APBA1: variants seen among roughly 807,000 people sequenced by gnomAD.
APBA1 encodes amyloid-beta A4 precursor protein-binding family A member 1.
APBA1 carries 55 observed loss-of-function variants against 86.6 expected under a neutral mutation model. That is an observed-to-expected ratio of 0.64 (90% CI 0.51 to 0.80). APBA1 has a LOEUF of 0.80. Ranked by LOEUF, APBA1 falls within the 30% of genes least tolerant of loss-of-function variation. The probability of loss-of-function intolerance (pLI) is 0.00; values close to 1 mark genes in which losing one functional copy is unlikely to be tolerated. For synonymous variants in APBA1, 511 were observed against 493.9 expected, an observed-to-expected ratio of 1.03 and a Z score of -0.46; for missense variants, 1,090 against 1,183.0, an observed-to-expected ratio of 0.92 and a Z score of 1.15.
Position 69,510,604 on chromosome 9 carries a change from G to A in APBA1, c.1200+5407C>T, listed in dbSNP as rs1363015940. ...TTCATATGGAACCAAAAAAGAGCCC[G>A]CATCGCCAAGGCAATCCTAAGCCAA... On this transcript the variant is annotated intron_variant, in intron 2 of 12. Transcript: ENST00000265381. Among the ~76,000 whole-genome samples, 27 of 138,894 alleles carry A rather than the reference G, an allele frequency of 1.9e-4. 1 individual carries two copies. The highest frequency in any genetic ancestry group is 6.4e-4 in the African/African-American group (22 of 34,556). 91.1% of individuals were successfully genotyped at this position (138,894 alleles called of 152,430 possible). A position where few individuals can be genotyped will look rare whatever the true frequency, so the allele number is the denominator to read the frequency against.
intron 1 of APBA1, among the ~76,000 whole-genome samples, chr9:69,631,172 T>C (rs1823033632): frequency 6.6e-6 from 1 of 152,208 alleles, no homozygotes; most frequent in Admixed American, 6.5e-5. Context: ...TTTTGGCTGA[T>C]ATCCAGAATC....
chr9:69,511,063 T>C (rs991227576), intron 2 of APBA1, among the ~76,000 whole-genome samples: 33 of 151,734 alleles, frequency 2.2e-4, no homozygotes, highest in Non-Finnish European at 4.4e-4. Flanking sequence ...AAAGCCAAAA[T>C]GGACAAATGG....
intron 12 of APBA1, among the ~76,000 whole-genome samples, chr9:69,432,245 G>T (rs908191211): frequency 4.6e-5 from 7 of 152,124 alleles, no homozygotes; most frequent in Non-Finnish European, 4.4e-5. Context: ...CAACTTAGGC[G>T]GCCATACAGA....
chr9:69,491,845 A>T (rs1188037759), intron 2 of APBA1, among the ~76,000 whole-genome samples: 2 of 150,310 alleles, frequency 1.3e-5, no homozygotes, highest in Non-Finnish European at 3.0e-5. Flanking sequence ...GTTCACTGCA[A>T]CCTCCGCCTC....
chr9:69,449,673 C>T lies in APBA1; in HGVS notation c.2092G>A (p.Gly698Arg). 6.2e-7 allele frequency: 1 copy of T among 1,614,030 alleles called. No individual in the cohort carries two copies. The highest frequency in any genetic ancestry group is 8.5e-7 in the Non-Finnish European group (1 of 1,180,030). The change falls in exon 10 of 13, where the codon GGG becomes AGG. Residue 698 changes from glycine to arginine, a missense_variant. Physicochemically the swap from Gly to Arg is moderately radical, Grantham distance 125. Transcript: ENST00000265381. Reference sequence around the variant, plus strand: ...ATCTGGTCACCGATATTCAGCTTCCCAGATTTCTCCGCAGGGCCACCATGC... The same window carrying T: ...ATCTGGTCACCGATATTCAGCTTCCTAGATTTCTCCGCAGGGCCACCATGC... ...MMHGGPAEKSGKLNIGDQIMS... is the reference protein window; with the variant it reads ...MMHGGPAEKSRKLNIGDQIMS...
At chr9:69,446,401 G>C (rs1019864896) in intron 10 of APBA1, among the ~76,000 whole-genome samples, 1 of 152,198 alleles carries the variant, frequency 6.6e-6, no homozygotes, top group Non-Finnish European at 1.5e-5. Context: ...CGAAAGCACT[G>C]CTTTTCTTTT....
chr9:69,637,800 T>C (rs1360036537), intron 1 of APBA1, among the ~76,000 whole-genome samples: 1 of 152,200 alleles, frequency 6.6e-6, no homozygotes, highest in East Asian at 1.9e-4. Context: ...TTATGAAAAA[T>C]AAATGTTGAA....
At chr9:69,513,416 A>G (rs549383820) in intron 2 of APBA1, among the ~76,000 whole-genome samples, 2 of 152,232 alleles carry the variant, frequency 1.3e-5, no homozygotes, top group Non-Finnish European at 2.9e-5. Flanking sequence ...ATCTGGACCA[A>G]CTGTGCCTGC....
chr9:69,609,461 A>G (rs1015655901), intron 1 of APBA1, among the ~76,000 whole-genome samples: 2 of 152,228 alleles, frequency 1.3e-5, no homozygotes, highest in Non-Finnish European at 2.9e-5. Context: ...TCTCAAAACA[A>G]TTATGTAATT....
chr9:69,611,481 C>T (rs1822588089), intron 1 of APBA1, among the ~76,000 whole-genome samples: 1 of 152,006 alleles, frequency 6.6e-6, no homozygotes, highest in South Asian at 2.1e-4. Flanking sequence ...GAATATCTAA[C>T]CTTAAACTCA....
intron 1 of APBA1, among the ~76,000 whole-genome samples, chr9:69,603,629 A>G (rs1422634748): frequency 6.6e-6 from 1 of 152,280 alleles, no homozygotes; most frequent in Non-Finnish European, 1.5e-5. Context: ...CTAAAAGTAA[A>G]TGAAGAAAGA....
chr9:69,439,396 C>A (rs28831134), intron 11 of APBA1, among the ~76,000 whole-genome samples: 37,914 of 149,506 alleles, frequency 0.25, 5,617 homozygotes, highest in African/African-American at 0.43. Flanking sequence ...TCCATTCTCC[C>A]CGTCACTTTC....
chr9:69,519,332 TCCATGGC>T (rs1220723829), intron 1 of APBA1, among the ~76,000 whole-genome samples: 4 of 152,196 alleles, frequency 2.6e-5, no homozygotes, highest in Non-Finnish European at 5.9e-5. Flanking sequence ...CCAATACTGG[TCCATGGC>T]CCAGTGGTTG....
intron 1 of APBA1, among the ~76,000 whole-genome samples, chr9:69,576,605 G>C (rs1486629627): frequency 2.6e-5 from 4 of 151,870 alleles, no homozygotes; most frequent in Admixed American, 1.3e-4. Flanking sequence ...CTATCGCAAG[G>C]ACAAAAAACC....
chr9:69,519,666 A>T (rs1458270292), intron 1 of APBA1, among the ~76,000 whole-genome samples: 2 of 152,210 alleles, frequency 1.3e-5, no homozygotes, highest in Non-Finnish European at 2.9e-5. Flanking sequence ...CGTAAGAAAA[A>T]CAGTAACAAA....
intron 1 of APBA1, among the ~76,000 whole-genome samples, chr9:69,664,127 G>A (rs1009308556): frequency 6.6e-6 from 1 of 152,206 alleles, no homozygotes; most frequent in African/African-American, 2.4e-5. Flanking sequence ...ATTTGGAGAA[G>A]ATAGCCGGAA....
At chr9:69,536,095 T>C (rs1343255953) in intron 1 of APBA1, among the ~76,000 whole-genome samples, 1 of 152,058 alleles carries the variant, frequency 6.6e-6, no homozygotes, top group African/African-American at 2.4e-5. Context: ...TCTTCATTTA[T>C]TCTGTTTCAT....
intron 1 of APBA1, among the ~76,000 whole-genome samples, chr9:69,551,245 T>A (rs1836779669): frequency 6.6e-6 from 1 of 152,320 alleles, no homozygotes; most frequent in African/African-American, 2.4e-5. Context: ...CAACTTAACA[T>A]CAATATTTTA....
chr9:69,635,832 C>A (rs772934592), intron 1 of APBA1, among the ~76,000 whole-genome samples: 1 of 152,126 alleles, frequency 6.6e-6, no homozygotes, highest in African/African-American at 2.4e-5. Context: ...ACTGAAAACT[C>A]TCTGAGACAT....
Sources: gnomAD v4.1 joint callset for allele counts (sites outside exome capture counted in the v4.1 genomes callset) on GRCh38, gnomAD v4.1.1 for gene constraint, MANE v1.5 for transcripts, NCBI Gene and HGNC (gene_info 2026-07-23, HGNC 2026-07-21) for gene names.